Variants in ZCWPW2 observed in about 807,000 individuals in gnomAD.
The protein encoded by ZCWPW2 is zinc finger CW-type and PWWP domain containing 2.
A neutral mutation model predicts 46.6 loss-of-function variants in ZCWPW2; 45 were observed. The ratio of observed to expected loss-of-function variants is 0.96; its 90% CI spans 0.76 to 1.24. The LOEUF is 1.24. ZCWPW2 is among the 50% of genes most tolerant of loss of function. The pLI is 0.00. For synonymous variants in ZCWPW2, 152 were observed against 137.1 expected (o/e 1.11, Z -0.76); for missense variants, 429 against 403.9 (o/e 1.06, Z -0.53).
chr3:28,460,956 TTATTTCTTTA>T (rs754972486), intron 4 of ZCWPW2: 2 of 254,986 alleles, frequency 7.8e-6, no homozygotes, highest in South Asian at 7.5e-5. Context: ...TAATAATTTT[TTATTTCTTTA>T]GATTATGAGA....
At chr3:28,474,626 C>T (rs1463749790) in intron 4 of ZCWPW2, among the ~76,000 whole-genome samples, 37 of 121,202 alleles carry the variant, frequency 3.1e-4, no homozygotes, top group African/African-American at 8.2e-4. Context: ...TGTGTGCGCG[C>T]GCGCGCGCGC....
At chr3:28,372,302 A>AT (rs1166469122) in intron 1 of ZCWPW2, among the ~76,000 whole-genome samples, 3 of 152,016 alleles carry the variant, frequency 2.0e-5, no homozygotes, top group East Asian at 1.9e-4. Context: ...AGTCTATAGT[A>AT]TTTTTTTTGT....
chr3:28,489,706 C>CACA (rs1699741685), intron 5 of ZCWPW2, among the ~76,000 whole-genome samples: 1 of 146,320 alleles, frequency 6.8e-6, no homozygotes, highest in Non-Finnish European at 1.5e-5. Context: ...ACACACACAC[C>CACA]CCATGTCTAC....
chr3:28,471,602 T>C (rs925683607), intron 4 of ZCWPW2, among the ~76,000 whole-genome samples: 1 of 152,106 alleles, frequency 6.6e-6, no homozygotes, highest in Non-Finnish European at 1.5e-5. Context: ...CATACCTCAA[T>C]ATAATAAAAA....
At chr3:28,416,899 G>A in intron 3 of ZCWPW2, among the ~76,000 whole-genome samples, 1 of 135,602 alleles carries the variant, frequency 7.4e-6, no homozygotes. Flanking sequence ...TTTTTGATGT[G>A]CTGCTGGATT....
intron 3 of ZCWPW2, among the ~76,000 whole-genome samples, chr3:28,429,683 C>A (rs899459418): frequency 6.6e-6 from 1 of 152,110 alleles, no homozygotes; most frequent in African/African-American, 2.4e-5. Context: ...GCCCACAGGC[C>A]TAGGAGGAAA....
chr3:28,458,886 G>T (rs1423200853), intron 4 of ZCWPW2, among the ~76,000 whole-genome samples: 1 of 152,098 alleles, frequency 6.6e-6, no homozygotes, highest in Non-Finnish European at 1.5e-5. Flanking sequence ...TCTTCATGTT[G>T]TCATTAAAAC....
chr3:28,493,646 G>C (rs1338393797), intron 6 of ZCWPW2, among the ~76,000 whole-genome samples: 1 of 68,876 alleles, frequency 1.5e-5, no homozygotes, highest in Non-Finnish European at 3.1e-5. Context: ...ATGATTTATA[G>C]TCATTTGGGT....
chr3:28,429,106 CA>C (rs1179753384), intron 3 of ZCWPW2, among the ~76,000 whole-genome samples: 1 of 152,102 alleles, frequency 6.6e-6, no homozygotes, highest in Non-Finnish European at 1.5e-5. Context: ...GGGCTCGATA[CA>C]AGACAGAAAG....
At chr3:28,470,621 G>C (rs948834789) in intron 4 of ZCWPW2, among the ~76,000 whole-genome samples, 1 of 151,602 alleles carries the variant, frequency 6.6e-6, no homozygotes, top group Non-Finnish European at 1.5e-5. Context: ...ATAGCCATGA[G>C]TGCCTAAATT....
chr3:28,398,606 A>C (rs1404340029), intron 2 of ZCWPW2, among the ~76,000 whole-genome samples: 1 of 152,140 alleles, frequency 6.6e-6, no homozygotes, highest in Non-Finnish European at 1.5e-5. Context: ...CACCCCAAAT[A>C]CTGTGGGTGT....
At chr3:28,477,488 C>G (rs1317844891) in intron 4 of ZCWPW2, among the ~76,000 whole-genome samples, 1 of 152,192 alleles carries the variant, frequency 6.6e-6, no homozygotes, top group East Asian at 1.9e-4. Context: ...CCTCCATCTT[C>G]ATGGACCTTT....
chr3:28,472,148 C>T (rs1290670928), intron 4 of ZCWPW2, among the ~76,000 whole-genome samples: 2 of 152,092 alleles, frequency 1.3e-5, no homozygotes, highest in Non-Finnish European at 2.9e-5. Flanking sequence ...GTCCATACTA[C>T]CCAAAGCAAT....
chr3:28,456,935 T>G (rs189006405), intron 4 of ZCWPW2, among the ~76,000 whole-genome samples: 1 of 152,286 alleles, frequency 6.6e-6, no homozygotes, highest in Non-Finnish European at 1.5e-5. Flanking sequence ...AAGTTTTCTT[T>G]TTTTGTTGTA....
chr3:28,509,677 T>A (rs1700375400), intron 6 of ZCWPW2, among the ~76,000 whole-genome samples: 1 of 152,194 alleles, frequency 6.6e-6, no homozygotes, highest in African/African-American at 2.4e-5. Flanking sequence ...TTTAATTGGC[T>A]TATTGTATTT....
chr3:28,452,071 G>A (rs1698244236), intron 4 of ZCWPW2, among the ~76,000 whole-genome samples: 1 of 152,250 alleles, frequency 6.6e-6, no homozygotes, highest in Non-Finnish European at 1.5e-5. Flanking sequence ...CTATAACTGT[G>A]ACATATTTGT....
intron 4 of ZCWPW2, among the ~76,000 whole-genome samples, chr3:28,477,030 A>G (rs1699260437): frequency 6.6e-6 from 1 of 152,090 alleles, no homozygotes; most frequent in Non-Finnish European, 1.5e-5. Context: ...CCCCTGCTTT[A>G]GGGAATATTA....
chr3:28,375,910 G>C (rs1423786909), intron 1 of ZCWPW2, among the ~76,000 whole-genome samples: 4 of 151,902 alleles, frequency 2.6e-5, no homozygotes, highest in Non-Finnish European at 4.4e-5. Flanking sequence ...TTCTGTTCCT[G>C]ACTTATTTCT....
intron 3 of ZCWPW2, among the ~76,000 whole-genome samples, chr3:28,425,683 A>C (rs962014553): frequency 6.6e-6 from 1 of 152,238 alleles, no homozygotes; most frequent in Admixed American, 6.5e-5. Context: ...CTTTATATCT[A>C]TATAATAAAA....
Sources: allele counts gnomAD v4.1 joint callset (sites outside exome capture counted in the v4.1 genomes callset), GRCh38; gene constraint gnomAD v4.1.1; transcripts MANE v1.5; gene names NCBI Gene and HGNC (gene_info 2026-07-23, HGNC 2026-07-21).